Variants in PDXDC1 observed in about 807,000 individuals in gnomAD.
The protein encoded by PDXDC1 is pyridoxal-dependent decarboxylase domain-containing protein 1.
A neutral mutation model predicts 100.1 loss-of-function variants in PDXDC1; 42 were observed. That is an observed-to-expected ratio of 0.42 (90% CI 0.33 to 0.54). The LOEUF is 0.54. Ranked by LOEUF, PDXDC1 falls within the 20% of genes least tolerant of loss-of-function variation. PDXDC1 has a pLI of 0.10. For synonymous variants in PDXDC1, 260 were observed against 371.7 expected (o/e 0.70, Z 3.46); for missense variants, 636 against 979.2 (o/e 0.65, Z 4.68).
intron 16 of PDXDC1, chr16:15,131,563 A>T: frequency 6.2e-7 from 1 of 1,608,782 alleles, no homozygotes; most frequent in Non-Finnish European, 8.5e-7. Flanking sequence ...CTCCTCGTTG[A>T]GCACGCGGGA....
intron 16 of PDXDC1, chr16:15,060,109 ATTT>A: frequency 2.9e-6 from 1 of 340,022 alleles, no homozygotes; most frequent in South Asian, 2.4e-5. Flanking sequence ...TTCACCATGG[ATTT>A]TTTTTCACAA....
intron 16 of PDXDC1, among the ~76,000 whole-genome samples, chr16:15,095,204 G>C (rs943508243): frequency 1.3e-5 from 2 of 152,084 alleles, no homozygotes; most frequent in Non-Finnish European, 2.9e-5. Context: ...GGCGTTCCAA[G>C]CATAGGAAAC....
At chr16:15,038,537 CAG>C, downstream of PDXDC1, 4 of 1,136,650 alleles carry the variant, frequency 3.5e-6, no homozygotes, top group Non-Finnish European at 5.3e-6. Context: ...AACCAGGGTG[CAG>C]AGATTTAAGA....
intron 16 of PDXDC1, chr16:15,074,729 C>G: frequency 6.2e-7 from 1 of 1,613,310 alleles, no homozygotes; most frequent in Non-Finnish European, 8.5e-7. Context: ...TTACCATCTA[C>G]ATAGCAGACA....
chr16:15,032,669 A>AAAAAAAAAAAAAAAAAGG, intron 17 of PDXDC1, 192 bp from the exon 18 acceptor site: 1 of 448,488 alleles, frequency 2.2e-6, no homozygotes, highest in Non-Finnish European at 3.9e-6. Flanking sequence ...AAAAAAAAAA[A>AAAAAAAAAAAAAAAAAGG]GGCTTTCCTG....
chr16:15,071,595 C>T (rs1394356636), intron 16 of PDXDC1, among the ~76,000 whole-genome samples: 1 of 152,154 alleles, frequency 6.6e-6, no homozygotes, highest in Non-Finnish European at 1.5e-5. Flanking sequence ...TGGAGAAACC[C>T]TGTCTCTACT....
Position 15,072,809 on chromosome 16 carries a change from C to T in PDXDC1, c.1399+42753C>T, listed in dbSNP as rs1280809028. On this transcript the variant is annotated intron_variant, in intron 16 of 16. Transcript: ENST00000535621. The stretch of plus-strand genomic sequence containing the variant: ...GAAAACAAAAAAAGAAAGGAGAATG[C>T]GATTTTATTAAGCAGACTAGCAAGT... The T allele has an allele frequency of 1.3e-4, 105 of 826,592 alleles. 1 individual carries two copies. The Middle Eastern group carries it at 1.5e-3, about 12-fold the overall frequency. The allele number at this position is 826,592 out of a possible 1,614,324, so 51.2% of individuals were successfully genotyped here.
At chr16:14,995,399 C>T (rs1172444573) in intron 1 of PDXDC1, among the ~76,000 whole-genome samples, 10 of 152,266 alleles carry the variant, frequency 6.6e-5, no homozygotes, top group African/African-American at 2.4e-4. Flanking sequence ...TTGAGATAAT[C>T]GTATGGTTTT....
At chr16:14,979,778 C>T (rs1156881458) in intron 1 of PDXDC1, among the ~76,000 whole-genome samples, 1 of 152,282 alleles carries the variant, frequency 6.6e-6, no homozygotes, top group Non-Finnish European at 1.5e-5. Context: ...AGGTTTATAG[C>T]AGCATCAATG....
intron 17 of PDXDC1, 192 bp from the exon 18 acceptor site, chr16:15,032,669 A>G: frequency 2.2e-6 from 1 of 448,478 alleles, no homozygotes; most frequent in Middle Eastern, 6.2e-4. Flanking sequence ...AAAAAAAAAA[A>G]GGCTTTCCTG....
downstream of PDXDC1, among the ~76,000 whole-genome samples, chr16:15,039,201 C>G (rs2043691681): frequency 6.6e-6 from 1 of 152,200 alleles, no homozygotes; most frequent in Non-Finnish European, 1.5e-5. Flanking sequence ...GCTTACCTAG[C>G]AATATTCACT....
chr16:15,020,392 A>C (rs1390367872), intron 12 of PDXDC1, among the ~76,000 whole-genome samples: 1 of 152,256 alleles, frequency 6.6e-6, no homozygotes, highest in Non-Finnish European at 1.5e-5. Flanking sequence ...TCATTTCTAT[A>C]TTTAAGAAAC....
intron 16 of PDXDC1, chr16:15,135,684 G>C (rs200327699): frequency 4.2e-4 from 677 of 1,594,994 alleles, no homozygotes; most frequent in Non-Finnish European, 5.3e-4. Context: ...TGGAAACTGA[G>C]CGGCGTCTGG....
Position 15,009,144 on chromosome 16 carries a change from T to C in PDXDC1, c.648+297T>C, listed in dbSNP as rs1041611953. 2.0e-5 allele frequency among the ~76,000 whole-genome samples: 3 copies of C among 152,286 alleles called. No individual in the cohort carries two copies. In the East Asian group the frequency reaches 5.8e-4, roughly 29 times the overall value. On this transcript the variant is annotated intron_variant, in intron 7 of 22. Transcript: ENST00000396410. Reference sequence around the variant, plus strand: ...AAATTTCTTCTGAAGCTCCTACTTTTAATGAGTTAGCACTGTTGCCTGGAT... The same window carrying C: ...AAATTTCTTCTGAAGCTCCTACTTTCAATGAGTTAGCACTGTTGCCTGGAT...
At chr16:15,075,048 G>C (rs537988416) in intron 16 of PDXDC1, among the ~76,000 whole-genome samples, 1 of 152,160 alleles carries the variant, frequency 6.6e-6, no homozygotes, top group South Asian at 2.1e-4. Context: ...TCAGGAGTTT[G>C]AGACCAGCCT....
intron 16 of PDXDC1, chr16:15,134,074 G>A (rs896001255): frequency 3.4e-5 from 53 of 1,569,712 alleles, no homozygotes; most frequent in African/African-American, 2.1e-4. Context: ...GCAGCCCACC[G>A]CTGCAGGCAG....
chr16:15,059,135 A>G (rs1218040990), intron 16 of PDXDC1, among the ~76,000 whole-genome samples: 1 of 152,270 alleles, frequency 6.6e-6, no homozygotes, highest in East Asian at 1.9e-4. Flanking sequence ...AAAACCATCC[A>G]TGTCCAGACC....
the PDXDC1 span, among the ~76,000 whole-genome samples, chr16:15,149,971 C>T: frequency 6.6e-6 from 1 of 152,086 alleles, no homozygotes; most frequent in African/African-American, 2.4e-5. Context: ...CAAGACACAG[C>T]GAGAAATCCA....
chr16:14,978,823 C>T (rs1967293207), intron 1 of PDXDC1, among the ~76,000 whole-genome samples: 1 of 152,292 alleles, frequency 6.6e-6, no homozygotes, highest in South Asian at 2.1e-4. Context: ...TTAATTCTGT[C>T]CTTGAGCAAA....
Sources: gnomAD v4.1 joint callset for allele counts (sites outside exome capture counted in the v4.1 genomes callset) on GRCh38, gnomAD v4.1.1 for gene constraint, MANE v1.5 for transcripts, NCBI Gene and HGNC (gene_info 2026-07-23, HGNC 2026-07-21) for gene names.